Variants in CFAP44 observed in about 807,000 individuals in gnomAD.
CFAP44 encodes cilia and flagella associated protein 44.
CFAP44 carries 134 observed loss-of-function variants against 216.2 expected under a neutral mutation model. That is an observed-to-expected ratio of 0.62 (90% CI 0.54 to 0.72). The LOEUF (loss-of-function observed/expected upper bound fraction) is 0.72. CFAP44 is among the 30% of genes least tolerant of loss of function. CFAP44 has a pLI of 0.00. For missense variants in CFAP44, 2,035 were observed against 2,182.1 expected (o/e 0.93, Z 1.34); for synonymous variants, 700 against 727.6 (o/e 0.96, Z 0.61).
chr3:113,374,384 TTTATTTATTTATTTA>T (rs1294678304), intron 17 of CFAP44, among the ~76,000 whole-genome samples: 5 of 150,302 alleles, frequency 3.3e-5, no homozygotes, highest in African/African-American at 4.9e-5. Flanking sequence ...TATTTATTTA[TTTATTTATTTATTTA>T]TTATTATACT....
chr3:113,409,122 C>T lies in CFAP44; in HGVS notation c.874G>A (p.Gly292Arg), dbSNP rs1239116359. Reference protein sequence around the residue: ...PDKEEQLTTSGSGHIKFWEMA... With the variant: ...PDKEEQLTTSRSGHIKFWEMA... ...CCAACCTACTTGATGTGGCCTGATCCCGATGTAGTAAGCTGCTCTTCCTTA... is the reference window on the plus strand; with the variant it reads ...CCAACCTACTTGATGTGGCCTGATCTCGATGTAGTAAGCTGCTCTTCCTTA... Residue 292 changes from glycine (G) to arginine (R), a missense_variant, in exon 7 of 35, where the codon GGA becomes AGA. Physicochemically the swap from Gly to Arg is moderately radical, Grantham distance 125. This residue lies in a region of CFAP44 where 1,883 missense variants were observed against 2,023.7 expected (regional missense o/e 0.93). Coordinates refer to ENST00000393845, the MANE Select transcript of CFAP44 (RefSeq NM_001164496.2). 22 of 1,613,536 alleles carry T rather than the reference C, an allele frequency of 1.4e-5. No homozygotes were observed. The highest frequency in any genetic ancestry group is 1.9e-5 in the Non-Finnish European group (22 of 1,179,950).
chr3:113,358,610 G>T, intron 22 of CFAP44, 135 bp downstream of exon 22: 1 of 1,145,266 alleles, frequency 8.7e-7, no homozygotes, highest in Non-Finnish European at 1.2e-6. Context: ...AGTGACAAGA[G>T]GATTCCTTGA....
chr3:113,305,554 C>T (rs564073819), intron 30 of CFAP44, among the ~76,000 whole-genome samples: 4 of 152,306 alleles, frequency 2.6e-5, no homozygotes, highest in African/African-American at 9.6e-5. Context: ...AAACTGCTAA[C>T]TATAGTATTT....
intron 1 of CFAP44, among the ~76,000 whole-genome samples, chr3:113,437,551 C>T (rs1001535392): frequency 2.0e-5 from 3 of 152,118 alleles, no homozygotes; most frequent in Admixed American, 2.0e-4. Flanking sequence ...CATTACAAAC[C>T]CAGTTAATGT....
chr3:113,361,744 C>T (rs551965191), intron 21 of CFAP44, among the ~76,000 whole-genome samples: 4 of 151,908 alleles, frequency 2.6e-5, no homozygotes, highest in South Asian at 2.1e-4. Context: ...ATGATCCGCC[C>T]GCCTCGGCCT....
rs1333699331 is a variant in CFAP44, at chr3:113,426,002, T to G, written c.407+122A>C. The stretch of plus-strand genomic sequence containing the variant: ...GCAAATGGATGTGGCTGTGTTGCAA[T>G]AAAACTTGATTTACCAAAACAGGTG... On this transcript the variant is annotated intron_variant, in intron 4 of 34. Transcript: ENST00000393845. 3.4e-6 allele frequency: 4 copies of G among 1,180,926 alleles called. No homozygotes were observed. The African/African-American group carries it at 6.1e-5, about 18-fold the overall frequency. The allele number at this position is 1,180,926 out of a possible 1,614,324, so 73.2% of individuals were successfully genotyped here.
At chr3:113,360,070 T>C (rs974961754) in intron 21 of CFAP44, among the ~76,000 whole-genome samples, 1 of 151,376 alleles carries the variant, frequency 6.6e-6, no homozygotes, top group East Asian at 1.9e-4. Context: ...TTATGTCTTA[T>C]CTTGTTACCA....
rs780714673 is a variant in CFAP44, at chr3:113,333,514, C to T, written c.3507G>A (p.Val1169=). The T allele has an allele frequency of 7.8e-5, 120 of 1,537,000 alleles. 1 individual carries two copies. Among genetic ancestry groups the T allele is most frequent in the Non-Finnish European group, 8.3e-5 (95 of 1,146,874 alleles). Residue 1169 remains valine (V), a synonymous_variant, in exon 25 of 35, where the codon GTG becomes GTA. Transcript: ENST00000393845. ...KDLQAIKEAQ[V]YMGDFNLKTA... ...TCTTCAGATTGAAATCTCCCATATA[C>T]ACCTGGGCTTCTTTGATGGCTTGAA... is the stretch of plus-strand genomic sequence containing the variant.
chr3:113,314,337 TC>T (rs1950067829), intron 28 of CFAP44, among the ~76,000 whole-genome samples: 2 of 152,212 alleles, frequency 1.3e-5, no homozygotes, highest in African/African-American at 2.4e-5. Context: ...AATGGATTTC[TC>T]ATTAGAAACC....
At chr3:113,435,858 CGTGTGTGTGTGT>C (rs59468932) in intron 1 of CFAP44, among the ~76,000 whole-genome samples, 1 of 147,864 alleles carries the variant, frequency 6.8e-6, no homozygotes, top group Non-Finnish European at 1.5e-5. Flanking sequence ...AGTGTATGTA[CGTGTGTGTGTGT>C]GTGTGTGTGT....
At position 113,419,624 on chromosome 3, in the gene CFAP44, TCA is replaced by T. The variant is rs543109727; in HGVS notation, c.570+391_570+392del. ...TATGTCTACATCCTATGTGTGTGTC[TCA>T]CATTTTCCTCACCTTCTCCATTCCC... On this transcript the variant is annotated intron_variant, in intron 5 of 34. Transcript: ENST00000393845. Among the ~76,000 whole-genome samples the T allele has an allele frequency of 1.5e-3, 221 of 152,316 alleles. 1 individual carries two copies. The highest frequency in any genetic ancestry group is 5.1e-3 in the African/African-American group (212 of 41,550).
At chr3:113,401,799 A>G in intron 9 of CFAP44, 60 bp from the exon 10 acceptor site, 1 of 1,507,946 alleles carries the variant, frequency 6.6e-7, no homozygotes, top group Non-Finnish European at 8.9e-7. Context: ...TTTATTTTCT[A>G]AGCCAGAAAA....
At chr3:113,333,848 T>A (rs1950260154) in intron 24 of CFAP44, among the ~76,000 whole-genome samples, 1 of 152,206 alleles carries the variant, frequency 6.6e-6, no homozygotes, top group Non-Finnish European at 1.5e-5. Context: ...CTGGTAGGCT[T>A]TGGTTCACTT....
intron 32 of CFAP44, among the ~76,000 whole-genome samples, chr3:113,302,650 A>G (rs1308120182): frequency 6.6e-6 from 1 of 150,632 alleles, no homozygotes; most frequent in Non-Finnish European, 1.5e-5. Context: ...AATCCTAGCT[A>G]CTCGGGAGGC....
intron 22 of CFAP44, among the ~76,000 whole-genome samples, chr3:113,358,363 T>C (rs888542996): frequency 1.3e-5 from 2 of 152,042 alleles, no homozygotes; most frequent in Admixed American, 6.6e-5. Context: ...AATTGGTGCA[T>C]GAGAGGGATA....
At chr3:113,428,059 C>T (rs554228028) in intron 2 of CFAP44, among the ~76,000 whole-genome samples, 29 of 152,272 alleles carry the variant, frequency 1.9e-4, no homozygotes, top group African/African-American at 6.0e-4. Flanking sequence ...CAATTAGTTG[C>T]GGAACAGGGC....
At chr3:113,350,210 AAGAC>A (rs1308373341) in intron 22 of CFAP44, among the ~76,000 whole-genome samples, 1 of 151,906 alleles carries the variant, frequency 6.6e-6, no homozygotes, top group African/African-American at 2.4e-5. Context: ...CAGAGAGACA[AAGAC>A]AGAGAGAAAG....
intron 24 of CFAP44, among the ~76,000 whole-genome samples, chr3:113,337,434 G>A (rs1321145424): frequency 1.3e-5 from 2 of 151,884 alleles, no homozygotes; most frequent in Non-Finnish European, 2.9e-5. Context: ...GCAAGATTTT[G>A]TATACATATA....
Position 113,358,861 on chromosome 3 carries a change from A to G in CFAP44, c.2949T>C (p.Asp983=). Residue 983 remains aspartate, a synonymous_variant, in exon 22 of 35, where the codon GAT becomes GAC. Transcript: ENST00000393845. ...TGTGCATCTCAGCACGGATTTGGGA[A>G]TCTACATCAAAATCCTGCAGATAAG... ...MQFKRTDFDV[D]SQIRAEMHRK... 1 of 1,536,480 alleles carries G rather than the reference A, an allele frequency of 6.5e-7. No homozygotes were observed. The highest frequency in any genetic ancestry group is 8.7e-7 in the Non-Finnish European group (1 of 1,146,378).
Sources: allele counts gnomAD v4.1 joint callset (sites outside exome capture counted in the v4.1 genomes callset), GRCh38; gene constraint gnomAD v4.1.1; regional missense constraint gnomAD v4.1.1; transcripts MANE v1.5; gene names NCBI Gene and HGNC (gene_info 2026-07-23, HGNC 2026-07-21).